The following GGA2 variants were observed in gnomAD, a reference collection of about 807,000 sequenced individuals.
GGA2 encodes the protein ADP-ribosylation factor-binding protein GGA2.
Under a neutral mutation model 79.5 loss-of-function variants are expected in GGA2, and 48 were observed. The observed-to-expected ratio is 0.60, with a 90% CI of 0.48 to 0.77. The LOEUF is 0.77. Among genes scored for constraint, GGA2 ranks in the 30% least tolerant of loss-of-function variants. GGA2 has a pLI of 0.00. For missense variants in GGA2, 770 were observed against 774.0 expected, an observed-to-expected ratio of 0.99 and a Z score of 0.06; for synonymous variants, 317 against 302.0, an observed-to-expected ratio of 1.05 and a Z score of -0.51.
chr16:23,465,704 G>A lies in GGA2; in HGVS notation c.*1886C>T. ...GCCTGTAATCCCAGCACTCTGGGAG[G>A]CCAAGGCAGGCGGATCACCTGAGGT... is the stretch of plus-strand genomic sequence containing the variant. On this transcript the variant is annotated 3_prime_UTR_variant, in exon 17 of 17. Coordinates refer to ENST00000309859, the MANE Select transcript of GGA2 (RefSeq NM_015044.4). The A allele has an allele frequency of 3.3e-6, 1 of 301,806 alleles. No individual in the cohort carries two copies. Among genetic ancestry groups the A allele is most frequent in the East Asian group, 6.5e-5 (1 of 15,464 alleles). The allele number at this position is 301,806 out of a possible 1,614,324, so 18.7% of individuals were successfully genotyped here. A position where few individuals can be genotyped will look rare whatever the true frequency, so the allele number is the denominator to read the frequency against.
intron 2 of GGA2, among the ~76,000 whole-genome samples, chr16:23,516,208 T>C (rs1965101970): frequency 6.6e-6 from 1 of 151,864 alleles, no homozygotes; most frequent in Non-Finnish European, 1.5e-5. Context: ...GATGGGGTCT[T>C]ACTATGTTGC....
chr16:23,505,462 C>T (rs527645595), intron 1 of GGA2, among the ~76,000 whole-genome samples: 7 of 152,140 alleles, frequency 4.6e-5, no homozygotes, highest in Non-Finnish European at 1.0e-4. Flanking sequence ...AACAAGGCGG[C>T]TACATCTGCA....
chr16:23,479,295 A>T (rs1964617410), intron 11 of GGA2, among the ~76,000 whole-genome samples: 1 of 146,554 alleles, frequency 6.8e-6, no homozygotes, highest in Non-Finnish European at 1.5e-5. Flanking sequence ...TCACTCCCCT[A>T]CTCAGAACCC....
In GGA2 at chr16:23,467,387, A is replaced by AACACACACAC. The variant is rs57255054; in HGVS notation, c.*193_*202dup. 5,712 of 326,902 alleles carry AACACACACAC rather than the reference A, an allele frequency of 0.017. 81 individuals carry two copies. The highest frequency in any genetic ancestry group is 0.021 in the Admixed American group (453 of 21,164). 20.3% of individuals were successfully genotyped at this position (326,902 alleles called of 1,614,324 possible). Reference sequence around the variant, plus strand: ...GCCCTGTGCTACCACCCTCTCCCCGAACACACACACACACACACACACACA... The same window carrying AACACACACAC: ...GCCCTGTGCTACCACCCTCTCCCCGAACACACACACACACACACACACACACACACACACA... On this transcript the variant is annotated 3_prime_UTR_variant, in exon 17 of 17. Transcript: ENST00000309859.
chr16:23,508,168 G>T (rs1378560623), intron 1 of GGA2, among the ~76,000 whole-genome samples: 1 of 151,632 alleles, frequency 6.6e-6, no homozygotes, highest in Non-Finnish European at 1.5e-5. Flanking sequence ...AAGGGTTCAA[G>T]TGATCCTCCC....
intron 5 of GGA2, among the ~76,000 whole-genome samples, chr16:23,491,050 TGTAA>T (rs768203505): frequency 1.9e-4 from 29 of 151,946 alleles, no homozygotes; most frequent in African/African-American, 7.0e-4. Flanking sequence ...AAATATTTGG[TGTAA>T]GTGAGACAGC....
intron 5 of GGA2, among the ~76,000 whole-genome samples, chr16:23,489,870 C>A (rs1029850066): frequency 2.2e-4 from 33 of 152,010 alleles, no homozygotes; most frequent in African/African-American, 7.7e-4. Flanking sequence ...AGAGAAAAAA[C>A]AGGGGAGAAA....
chr16:23,488,517 C>CG (rs1964743336), intron 6 of GGA2, 89 bp downstream of exon 6: 1 of 814,516 alleles, frequency 1.2e-6, no homozygotes, highest in Non-Finnish European at 2.1e-6. Context: ...AACCTGCCCC[C>CG]CTCCATACTC....
At chr16:23,490,157 C>G (rs1010964379) in intron 5 of GGA2, among the ~76,000 whole-genome samples, 4 of 152,266 alleles carry the variant, frequency 2.6e-5, no homozygotes, top group African/African-American at 9.6e-5. Context: ...GCTGAGAGAA[C>G]AGATACTGAA....
Position 23,486,126 on chromosome 16 carries a change from G to GGAC in GGA2, c.684_686dup (p.Ser229dup). The GGAC allele has an allele frequency of 6.2e-7, 1 of 1,613,722 alleles. No homozygotes were observed. Among genetic ancestry groups the GGAC allele is most frequent in the Non-Finnish European group, 8.5e-7 (1 of 1,179,620 alleles). ...CTTCCTCCACCGCACTGACCCTCTT[G>GGAC]GACACCTTCTCCGATTTTTCTTGTT... On this transcript the variant is annotated inframe_insertion, in exon 8 of 17. Transcript: ENST00000309859.
At position 23,475,051 on chromosome 16, in the gene GGA2, A is replaced by G. The variant is rs1352338120; in HGVS notation, c.1303T>C (p.Ser435Pro). 6.3e-7 allele frequency: 1 copy of G among 1,575,922 alleles called. No individual in the cohort carries two copies. Among genetic ancestry groups the G allele is most frequent in the African/African-American group, 1.4e-5 (1 of 72,636 alleles). ...QPAPCPLNYV[S>P]QKSVPKEVPP... The stretch of plus-strand genomic sequence containing the variant: ...ACTTCCTTGGGGACACTTTTCTGCG[A>G]AACATAATTCCTACAAAGAAATAAA... Residue 435 changes from serine to proline, a missense_variant, in exon 14 of 17, where the codon TCG (serine) becomes CCG (proline). Coordinates refer to ENST00000309859, the MANE Select transcript of GGA2 (RefSeq NM_015044.4).
chr16:23,488,072 T>C (rs377128697), intron 6 of GGA2, among the ~76,000 whole-genome samples: 1 of 151,796 alleles, frequency 6.6e-6, no homozygotes, highest in Non-Finnish European at 1.5e-5. Flanking sequence ...GTTTGGGGAG[T>C]TCATGGTGGA....
rs746203936 is a variant in GGA2, at chr16:23,467,516, C to A, written c.*74G>T. The A allele has an allele frequency of 1.3e-6, 1 of 768,880 alleles. No homozygotes were observed. The highest frequency in any genetic ancestry group is 1.4e-5 in the South Asian group (1 of 69,054). The allele number at this position is 768,880 out of a possible 1,614,324, so 47.6% of individuals were successfully genotyped here. ...CTCTTGGCACTCCGCACTGAAACAC[C>A]GTGATTAGTCCTGACTAGACAGCAA... On this transcript the variant is annotated 3_prime_UTR_variant, in exon 17 of 17. Coordinates refer to ENST00000309859, the MANE Select transcript of GGA2 (RefSeq NM_015044.4).
chr16:23,463,819 T>G lies in GGA2; in HGVS notation c.*3771A>C, dbSNP rs488131. 2 of 152,022 alleles carry G rather than the reference T, an allele frequency of 1.3e-5. No individual in the cohort carries two copies. Among genetic ancestry groups the G allele is most frequent in the African/African-American group, 4.8e-5 (2 of 41,386 alleles). 9.4% of individuals were successfully genotyped at this position (152,022 alleles called of 1,614,324 possible). A position where few individuals can be genotyped will look rare whatever the true frequency, so the allele number is the denominator to read the frequency against. On this transcript the variant is annotated 3_prime_UTR_variant, in exon 17 of 17. Transcript: ENST00000309859. ...CAGTCTTTACGAAAAACTGCAACAT[T>G]AGCTGGGCGTGGCAGCATGCACCTG...
At chr16:23,479,725 A>G (rs745720693) in intron 11 of GGA2, 40 bp downstream of exon 11, 3 of 1,611,584 alleles carry the variant, frequency 1.9e-6, no homozygotes, top group Non-Finnish European at 1.7e-6. Flanking sequence ...CCCTACTCGC[A>G]CCCATCCTGT....
chr16:23,483,102 C>A (rs766875480), intron 8 of GGA2, 98 bp from the exon 9 acceptor site: 59 of 749,834 alleles, frequency 7.9e-5, no homozygotes, highest in Middle Eastern at 3.5e-4. Context: ...ACGGCAGAGT[C>A]TGGGGCTTCA....
chr16:23,482,867 G>T, intron 9 of GGA2, 56 bp downstream of exon 9: 1 of 986,754 alleles, frequency 1.0e-6, no homozygotes, highest in South Asian at 1.3e-5. Context: ...TGACAGGAGG[G>T]ACCGAGTCTG....
chr16:23,500,397 G>A (rs1287741275), intron 1 of GGA2, among the ~76,000 whole-genome samples: 1 of 152,176 alleles, frequency 6.6e-6, no homozygotes, highest in Non-Finnish European at 1.5e-5. Context: ...GGCCCAGGGG[G>A]GTCTGCGGAG....
At chr16:23,499,005 A>AGAGAACAGGGGGAGGCAGGG (rs1567368516) in intron 1 of GGA2, among the ~76,000 whole-genome samples, 16 of 151,990 alleles carry the variant, frequency 1.1e-4, no homozygotes, top group Non-Finnish European at 1.9e-4. Flanking sequence ...CAGAGGCAGG[A>AGAGAACAGGGGGAGGCAGGG]AGAGAACAGG....
Sources: gnomAD v4.1 joint callset for allele counts (sites outside exome capture counted in the v4.1 genomes callset) on GRCh38, gnomAD v4.1.1 for gene constraint, MANE v1.5 for transcripts, NCBI Gene and HGNC (gene_info 2026-07-23, HGNC 2026-07-21) for gene names.